The following TRIO variants were observed in gnomAD, a reference collection of about 807,000 sequenced individuals.
TRIO encodes triple functional domain protein.
TRIO carries 58 observed loss-of-function variants against 351.9 expected under a neutral mutation model. The observed-to-expected ratio is 0.16, with a 90% CI of 0.13 to 0.21. The LOEUF (loss-of-function observed/expected upper bound fraction) is 0.21, where lower values mean the gene tolerates loss of function less well. TRIO is among the 10% of genes least tolerant of loss of function. TRIO has a pLI of 1.00. For missense variants in TRIO, 3,201 were observed against 4,027.8 expected, an observed-to-expected ratio of 0.79 and a Z score of 5.56; for synonymous variants, 1,758 against 1,595.7, an observed-to-expected ratio of 1.10 and a Z score of -2.42.
intron 42 of TRIO, 122 bp from the exon 43 acceptor site, chr5:14,479,797 A>G (rs554470931): frequency 3.7e-6 from 3 of 809,246 alleles, no homozygotes; most frequent in South Asian, 3.8e-5. Context: ...TAGTTAGTCT[A>G]GTGCTTTTTT....
intron 2 of TRIO, among the ~76,000 whole-genome samples, chr5:14,277,692 T>A (rs1043375441): frequency 2.0e-5 from 3 of 152,224 alleles, no homozygotes; most frequent in Non-Finnish European, 4.4e-5. Context: ...ACTCAGATGC[T>A]ATTTTCATTT....
intron 17 of TRIO, 81 bp from the exon 18 acceptor site, chr5:14,369,293 C>G (rs1023305851): frequency 2.0e-6 from 3 of 1,506,674 alleles, no homozygotes; most frequent in East Asian, 2.3e-5. Flanking sequence ...ATCCCCAGAG[C>G]CCGACTGAAA....
chr5:14,381,956 C>T (rs1746144840), intron 21 of TRIO, among the ~76,000 whole-genome samples: 1 of 152,246 alleles, frequency 6.6e-6, no homozygotes, highest in Non-Finnish European at 1.5e-5. Flanking sequence ...CCTGCAGAGG[C>T]TGAGTCCTTC....
chr5:14,368,408 G>T (rs1744787072), intron 16 of TRIO, among the ~76,000 whole-genome samples: 1 of 152,084 alleles, frequency 6.6e-6, no homozygotes, highest in Admixed American at 6.5e-5. Flanking sequence ...CACTTCTTTG[G>T]CTGTTAAGGG....
At chr5:14,498,875 G>C (rs1019911182) in intron 53 of TRIO, 7 of 465,014 alleles carry the variant, frequency 1.5e-5, no homozygotes, top group Non-Finnish European at 2.1e-5. Context: ...AGCTCCTGTT[G>C]CTGGGAGGAG....
intron 9 of TRIO, among the ~76,000 whole-genome samples, chr5:14,324,653 C>T (rs901032134): frequency 3.9e-5 from 6 of 152,184 alleles, no homozygotes; most frequent in African/African-American, 1.4e-4. Context: ...CCATTTGAAT[C>T]TCTTTTCTTG....
chr5:14,488,881 T>G, intron 48 of TRIO: 1 of 740,734 alleles, frequency 1.4e-6, no homozygotes, highest in Non-Finnish European at 2.5e-6. Context: ...GGCTCTGCAG[T>G]GCAGGCTGGG....
At position 14,363,910 on chromosome 5, in the gene TRIO, A is replaced by G. The variant is rs199976501; in HGVS notation, c.2570A>G (p.Asn857Ser). The G allele has an allele frequency of 1.7e-4, 279 of 1,614,036 alleles. No homozygotes were observed. The highest frequency in any genetic ancestry group is 1.9e-4 in the Non-Finnish European group (229 of 1,180,016). ...GGGCAAGATCTTCTGCAGTATGTCA[A>G]TGAGGTCCAGGCCTCTGGTAAGAGG... is the stretch of plus-strand genomic sequence containing the variant. ...HQGQDLLQYV[N>S]EVQASGVELL... Residue 857 changes from asparagine (N) to serine (S), a missense_variant, in exon 14 of 57, where the codon AAT becomes AGT. By Grantham distance (46) the Asn-to-Ser change is conservative. This residue lies in a region of TRIO where 363 missense variants were observed against 553.5 expected (regional missense o/e 0.66). Transcript: ENST00000344204.
At chr5:14,264,324 A>G (rs903448185) in intron 1 of TRIO, among the ~76,000 whole-genome samples, 5 of 152,128 alleles carry the variant, frequency 3.3e-5, no homozygotes, top group South Asian at 2.1e-4. Context: ...GTATGCTGTT[A>G]TAGGCTGTTG....
At position 14,388,003 on chromosome 5, in the gene TRIO, C is replaced by G. The variant is rs30795; in HGVS notation, c.3881+156C>G. 0.36 allele frequency: 241,330 copies of G among 662,630 alleles called. 49,638 individuals are homozygous for G. Among genetic ancestry groups the G allele is most frequent in the African/African-American group, 0.73 (40,179 of 55,154 alleles). 41.0% of individuals were successfully genotyped at this position (662,630 alleles called of 1,614,324 possible). A position where few individuals can be genotyped will look rare whatever the true frequency, so the allele number is the denominator to read the frequency against. On this transcript the variant is annotated intron_variant, in intron 23 of 56. Transcript: ENST00000344204. ...AGTTGTGTCAGCACAGACTTCGCTG[C>G]GTTCACTGTCCTCTTATCACCTGGT...
chr5:14,315,250 T>TC (rs1445156733), intron 8 of TRIO, among the ~76,000 whole-genome samples: 1 of 148,302 alleles, frequency 6.7e-6, no homozygotes, highest in Non-Finnish European at 1.5e-5. Context: ...AACTTGCTCC[T>TC]CTTTTTTTTT....
intron 34 of TRIO, among the ~76,000 whole-genome samples, chr5:14,430,747 G>A (rs1251007011): frequency 6.6e-6 from 1 of 151,238 alleles, no homozygotes; most frequent in African/African-American, 2.4e-5. Context: ...ACAGAGTCTT[G>A]CTCTGTCACC....
At chr5:14,376,216 A>G (rs181133050) in intron 19 of TRIO, among the ~76,000 whole-genome samples, 7 of 152,226 alleles carry the variant, frequency 4.6e-5, no homozygotes, top group Admixed American at 1.3e-4. Context: ...TCCTATATTA[A>G]TGGTTTTCCA....
At chr5:14,228,000 C>T (rs1042914823) in intron 1 of TRIO, among the ~76,000 whole-genome samples, 1 of 151,834 alleles carries the variant, frequency 6.6e-6, no homozygotes, top group African/African-American at 2.4e-5. Flanking sequence ...TGCCTATGAG[C>T]ATTTGTATCT....
intron 53 of TRIO, among the ~76,000 whole-genome samples, chr5:14,499,418 G>A (rs553386581): frequency 3.9e-5 from 6 of 152,340 alleles, no homozygotes; most frequent in African/African-American, 7.2e-5. Flanking sequence ...GCAGAAGGCC[G>A]GCCATGCAGT....
chr5:14,224,525 A>G (rs974760437), intron 1 of TRIO, among the ~76,000 whole-genome samples: 2 of 152,164 alleles, frequency 1.3e-5, no homozygotes, highest in Non-Finnish European at 2.9e-5. Flanking sequence ...TACTTTGTAT[A>G]TATTTTAAAG....
chr5:14,431,422 G>A (rs762025361), intron 34 of TRIO, among the ~76,000 whole-genome samples: 3 of 152,322 alleles, frequency 2.0e-5, no homozygotes, highest in Admixed American at 2.0e-4. Flanking sequence ...AAACATTCGA[G>A]AGGACAGTAA....
chr5:14,196,943 G>A (rs952401552), intron 1 of TRIO, among the ~76,000 whole-genome samples: 1 of 152,232 alleles, frequency 6.6e-6, no homozygotes, highest in African/African-American at 2.4e-5. Context: ...AACTTCAGGT[G>A]AGTCTAAATT....
chr5:14,245,716 G>A (rs1794397551), intron 1 of TRIO, among the ~76,000 whole-genome samples: 1 of 152,224 alleles, frequency 6.6e-6, no homozygotes, highest in African/African-American at 2.4e-5. Flanking sequence ...TGCACACAGA[G>A]GTCCCTGAGA....
Sources: gnomAD v4.1 joint callset for allele counts (sites outside exome capture counted in the v4.1 genomes callset) on GRCh38, gnomAD v4.1.1 for gene constraint, gnomAD v4.1.1 regional missense constraint, MANE v1.5 for transcripts, NCBI Gene and HGNC (gene_info 2026-07-23, HGNC 2026-07-21) for gene names.